The following TKT variants were observed in gnomAD, a reference collection of about 807,000 sequenced individuals.
TKT encodes the protein transketolase, also known as epididymis luminal protein 107.
In TKT, 47 loss-of-function variants were observed where a neutral mutation model predicts 63.9. The ratio of observed to expected loss-of-function variants is 0.74; its 90% confidence interval spans 0.58 to 0.94. The LOEUF (loss-of-function observed/expected upper bound fraction) is 0.94, where lower values mean the gene tolerates loss of function less well. Among genes scored for constraint, TKT ranks in the 40% least tolerant of loss-of-function variants. The pLI, the probability that TKT is intolerant of heterozygous loss-of-function variation, is 0.00. For synonymous variants in TKT, 338 were observed against 334.1 expected, an observed-to-expected ratio of 1.01 and a Z score of -0.13; for missense variants, 721 against 846.2, an observed-to-expected ratio of 0.85 and a Z score of 1.84.
chr3:53,243,613 G>A, intron 1 of TKT: 1 of 456,666 alleles, frequency 2.2e-6, no homozygotes, highest in Non-Finnish European at 4.4e-6. Context: ...CATGGGAAAA[G>A]ACACTACACC....
chr3:53,225,817 A>T lies in TKT; in HGVS notation c.1811T>A (p.Met604Lys), dbSNP rs1553675336. 5 of 1,613,882 alleles carry T rather than the reference A, an allele frequency of 3.1e-6. No homozygotes were observed. The highest frequency in any genetic ancestry group is 2.2e-5 in the East Asian group (1 of 44,876). The change falls in exon 14 of 14, where the codon ATG becomes AAG. Residue 604 changes from methionine to lysine, a missense_variant. Physicochemically the swap from Met to Lys is moderately conservative, Grantham distance 95 (BLOSUM62 -1). Transcript: ENST00000462138. ...RSGKPAELLK[M>K]FGIDRDAIAQ... ...AATGGCATCCCTGTCGATACCAAAC[A>T]TCTTCAGCAGCTCAGCCGGCTTCCC...
At chr3:53,246,277 A>G (rs1705499589) in intron 1 of TKT, among the ~76,000 whole-genome samples, 1 of 152,156 alleles carries the variant, frequency 6.6e-6, no homozygotes, top group Non-Finnish European at 1.5e-5. Flanking sequence ...CAGGAAAAAA[A>G]CAACAACAAC....
chr3:53,242,083 C>T lies in TKT; in HGVS notation c.225+42G>A, dbSNP rs368686304. On this transcript the variant is annotated intron_variant, in intron 2 of 13. Transcript: ENST00000462138. The stretch of plus-strand genomic sequence containing the variant: ...ATTCCAGGGCCCGTGTGACCCTAGT[C>T]CCAGGCAAGGTGTGGCTGGCAGTGG... The T allele has an allele frequency of 2.7e-5, 42 of 1,584,190 alleles. No homozygotes were observed. The Admixed American group carries it at 2.7e-4, about 10-fold the overall frequency.
Position 53,225,795 on chromosome 3 carries a change from G to A in TKT, c.1833C>T (p.Ala611=). Residue 611 remains alanine, a synonymous_variant, in exon 14 of 14, where the codon GCC becomes GCT. Transcript: ENST00000462138. ...TGAGGCCCCTCACAGCTTGTGCAAT[G>A]GCATCCCTGTCGATACCAAACATCT... ...LLKMFGIDRD[A]IAQAVRGLIT... is the part of the protein sequence containing the mutation. 6.2e-7 allele frequency: 1 copy of A among 1,613,890 alleles called. No individual in the cohort carries two copies. Among genetic ancestry groups the A allele is most frequent in the African/African-American group, 1.3e-5 (1 of 74,976 alleles).
intron 5 of TKT, chr3:53,234,260 T>G (rs1426607111): frequency 6.6e-6 from 1 of 152,268 alleles, no homozygotes; most frequent in Non-Finnish European, 1.5e-5. Context: ...TCCTGTTACT[T>G]AGTGTAGTCA....
At position 53,255,958 on chromosome 3, in the gene TKT, G is replaced by T; in HGVS notation, c.-16C>A. On this transcript the variant is annotated 5_prime_UTR_variant, in exon 1 of 14. Transcript: ENST00000462138. ...AGCTCTCCATGGTGCGGCAGGCGGG[G>T]ACCGGGCGCACACGCGGACACACAG... The T allele has an allele frequency of 2.0e-6, 3 of 1,497,940 alleles. No homozygotes were observed. Among genetic ancestry groups the T allele is most frequent in the Non-Finnish European group, 2.7e-6 (3 of 1,115,996 alleles). 92.8% of individuals were successfully genotyped at this position (1,497,940 alleles called of 1,614,324 possible). A position where few individuals can be genotyped will look rare whatever the true frequency, so the allele number is the denominator to read the frequency against.
intron 1 of TKT, among the ~76,000 whole-genome samples, chr3:53,250,616 C>A (rs1411908712): frequency 6.6e-6 from 1 of 151,992 alleles, no homozygotes; most frequent in African/African-American, 2.4e-5. Context: ...ACAAAAAATA[C>A]AAAAATTAGC....
In TKT at chr3:53,255,871, G is replaced by C; in HGVS notation, c.72C>G (p.Ile24Met). The part of the protein sequence containing the change: ...ALKDTANRLR[I>M]SSIQATTAAG... ...CCGCAGTGGTGGCCTGGATGGAGCT[G>C]ATACGTAGGCGGTTGGCCGTGTCCT... Residue 24 changes from isoleucine (I) to methionine (M), a missense_variant, in exon 1 of 14, where the codon ATC becomes ATG. Physicochemically the swap from Ile to Met is conservative, Grantham distance 10. Transcript: ENST00000462138. 1 of 1,549,338 alleles carries C rather than the reference G, an allele frequency of 6.5e-7. No homozygotes were observed. The highest frequency in any genetic ancestry group is 1.4e-5 in the African/African-American group (1 of 70,154).
chr3:53,255,992 G>A lies in TKT; in HGVS notation c.-50C>T, dbSNP rs782601328. On this transcript the variant is annotated 5_prime_UTR_variant, in exon 1 of 14. Transcript: ENST00000462138. The stretch of plus-strand genomic sequence containing the variant: ...CACACGCGGACACACAGAGATAGCG[G>A]CTGCTCCCGCGGCGACAGGCGGCTG... 2.3e-6 allele frequency: 3 copies of A among 1,329,826 alleles called. No individual in the cohort carries two copies. Among genetic ancestry groups the A allele is most frequent in the East Asian group, 3.0e-5 (1 of 33,316 alleles). The allele number at this position is 1,329,826 out of a possible 1,614,324, so 82.4% of individuals were successfully genotyped here.
intron 1 of TKT, among the ~76,000 whole-genome samples, chr3:53,242,684 C>T (rs7640493): frequency 0.24 from 36,730 of 152,032 alleles, 5,358 homozygotes; most frequent in African/African-American, 0.41. Flanking sequence ...CAAGGGGTGC[C>T]GGCATTCCTA....
chr3:53,240,375 T>C (rs564361523), intron 3 of TKT, 27 bp from the exon 4 acceptor site: 2 of 1,598,908 alleles, frequency 1.3e-6, no homozygotes, highest in African/African-American at 2.7e-5. Flanking sequence ...CCACCGTTAA[T>C]CTGAGAGGAG....
chr3:53,227,059 A>T, intron 12 of TKT, 181 bp from the exon 13 acceptor site: 1 of 706,126 alleles, frequency 1.4e-6, no homozygotes, highest in South Asian at 1.9e-5. Flanking sequence ...CATGCTTGCC[A>T]ACCCCTTGCA....
At position 53,247,838 on chromosome 3, in the gene TKT, C is replaced by T. The variant is rs1705585166; in HGVS notation, c.108-5596G>A. The stretch of plus-strand genomic sequence containing the variant: ...ACCTCTTCCAAGAAGCCCTCCCTGA[C>T]CACACTGTCTAAAATAGCTCTTCTT... On this transcript the variant is annotated intron_variant, in intron 1 of 13. Transcript: ENST00000462138. 2.0e-5 allele frequency among the ~76,000 whole-genome samples: 3 copies of T among 152,046 alleles called. No homozygotes were observed. In the South Asian group the frequency reaches 6.2e-4, roughly 32 times the overall value.
intron 13 of TKT, chr3:53,226,389 G>A (rs1443359232): frequency 6.8e-6 from 2 of 292,106 alleles, no homozygotes; most frequent in African/African-American, 4.5e-5. Flanking sequence ...TGTGTACTTA[G>A]GGAGCCTGCT....
chr3:53,228,154 G>A lies in TKT; in HGVS notation c.1480-5C>T, dbSNP rs782444215. On this transcript the variant is annotated splice_region_variant and splice_polypyrimidine_tract_variant and intron_variant, in intron 11 of 13. Transcript: ENST00000462138. ...ATCCTTGCTCTTCAGGACCACCTGG[G>A]GGTGACACAGAGGGTGAGTAAGGCT... 9.3e-6 allele frequency: 15 copies of A among 1,614,078 alleles called. No individual in the cohort carries two copies. The highest frequency in any genetic ancestry group is 6.7e-5 in the Admixed American group (4 of 60,010).
rs993791485 is a variant in TKT, at chr3:53,240,242, G to C, written c.437+9C>G. The C allele has an allele frequency of 1.9e-6, 3 of 1,609,954 alleles. No homozygotes were observed. Among genetic ancestry groups the C allele is most frequent in the Non-Finnish European group, 2.5e-6 (3 of 1,177,024 alleles). On this transcript the variant is annotated intron_variant, in intron 4 of 13. Transcript: ENST00000462138. Reference sequence around the variant, plus strand: ...TACCCAGGTTGGGGGTGGGGAGTAGGTGTGTTACCTGGCCTTGTCGAAGTA... The same window carrying C: ...TACCCAGGTTGGGGGTGGGGAGTAGCTGTGTTACCTGGCCTTGTCGAAGTA...
chr3:53,228,044 C>A lies in TKT; in HGVS notation c.1573+12G>T. 6.2e-7 allele frequency: 1 copy of A among 1,611,806 alleles called. No homozygotes were observed. The highest frequency in any genetic ancestry group is 1.3e-5 in the African/African-American group (1 of 75,002). ...CGCTCAGTTGATGACTTTGGAGGCC[C>A]CTTCTCCTCACCTTTCTTCAGCAGT... On this transcript the variant is annotated intron_variant, in intron 12 of 13. Transcript: ENST00000462138.
rs1553675969 is a variant in TKT at position 53,228,096 on chromosome 3, G to C, written c.1533C>G (p.Thr511=). ...CGGCAGCGGCCAAGGCCTCGTGCAG[G>C]GTCACCCCAGCCCCGATAACGGTCA... ...DQVTVIGAGV[T]LHEALAAAEL... The change falls in exon 12 of 14, where the codon ACC becomes ACG. Residue 511 remains threonine, a synonymous_variant. Transcript: ENST00000462138. 2 of 1,613,596 alleles carry C rather than the reference G, an allele frequency of 1.2e-6. No homozygotes were observed. The highest frequency in any genetic ancestry group is 2.2e-5 in the South Asian group (2 of 91,050).
chr3:53,242,469 G>C (rs968702), intron 1 of TKT, among the ~76,000 whole-genome samples: 36,842 of 152,056 alleles, frequency 0.24, 5,410 homozygotes, highest in African/African-American at 0.41. Context: ...GGGGACTGTT[G>C]TACCTTTCCA....
Sources: allele counts gnomAD v4.1 joint callset (sites outside exome capture counted in the v4.1 genomes callset), GRCh38; gene constraint gnomAD v4.1.1; transcripts MANE v1.5; gene names NCBI Gene and HGNC (gene_info 2026-07-23, HGNC 2026-07-21).